Variants in GRTP1 observed in about 807,000 individuals in gnomAD.
GRTP1 encodes growth hormone-regulated TBC protein 1.
In GRTP1, 56 loss-of-function variants were observed where a neutral mutation model predicts 38.1. The ratio of observed to expected loss-of-function variants is 1.47; its 90% confidence interval spans 1.19 to 1.84. GRTP1 has a LOEUF of 1.84. GRTP1 is among the 40% of genes most tolerant of loss of function. The pLI is 0.00. For synonymous variants in GRTP1, 217 were observed against 189.5 expected, an observed-to-expected ratio of 1.14 and a Z score of -1.19; for missense variants, 506 against 453.9, an observed-to-expected ratio of 1.11 and a Z score of -1.04.
chr13:113,352,503 A>G (rs2139508462), intron 3 of GRTP1, among the ~76,000 whole-genome samples: 1 of 151,014 alleles, frequency 6.6e-6, no homozygotes, highest in East Asian at 1.9e-4. Flanking sequence ...CTTCCTGAGT[A>G]GCTGAGACTA....
At chr13:113,360,660 G>A (rs991295286) in intron 2 of GRTP1, among the ~76,000 whole-genome samples, 6 of 152,164 alleles carry the variant, frequency 3.9e-5, no homozygotes, top group South Asian at 2.1e-4. Context: ...GCCTCCCACC[G>A]GAGTCACCAG....
chr13:113,354,531 A>AT lies in GRTP1; in HGVS notation c.340+791dup, dbSNP rs554052131. On this transcript the variant is annotated intron_variant, in intron 3 of 7. Transcript: ENST00000375431. ...ATCTATTCAATTTAGGTTAACCAAT[A>AT]TTTTTTTTTTTTTTGAGATGGAGTT... Among the ~76,000 whole-genome samples the AT allele has an allele frequency of 3.3e-3, 490 of 150,020 alleles. 3 individuals carry two copies. The highest frequency in any genetic ancestry group is 0.011 in the African/African-American group (463 of 41,078).
chr13:113,351,140 G>T, intron 3 of GRTP1, 167 bp from the exon 4 acceptor site: 1 of 326,066 alleles, frequency 3.1e-6, no homozygotes. Context: ...GGCTCACTGG[G>T]CCAGGAAGGA....
In GRTP1 at chr13:113,350,879, C is replaced by A. The variant is rs774412765; in HGVS notation, c.435G>T (p.Gly145=). ...RTLYNVLLAY[G]HHNQGVGYCQ... is the part of the protein sequence containing the mutation. ...AGTAGCCCACTCCCTGGTTATGGTG[C>A]CCATATGCCAGCAGCACATTGTACA... is the stretch of plus-strand genomic sequence containing the variant. The change falls in exon 4 of 8, where the codon GGG becomes GGT. Residue 145 remains glycine, a synonymous_variant. Transcript: ENST00000375431. 6.3e-7 allele frequency: 1 copy of A among 1,589,740 alleles called. No individual in the cohort carries two copies.
Position 113,351,005 on chromosome 13 carries a change from G to T in GRTP1, c.341-32C>A, listed in dbSNP as rs1230196544. On this transcript the variant is annotated intron_variant, in intron 3 of 7. Transcript: ENST00000375431. ...GAAATTCAGAAGGAATCACCCACGGGTTTCTGTTCCACAAGCCTCCCACCC... is the reference window on the plus strand; with the variant it reads ...GAAATTCAGAAGGAATCACCCACGGTTTTCTGTTCCACAAGCCTCCCACCC... The T allele has an allele frequency of 2.5e-6, 4 of 1,611,474 alleles. No homozygotes were observed. In the East Asian group the frequency reaches 8.9e-5, roughly 36 times the overall value.
chr13:113,333,771 G>C (rs10467695), intron 5 of GRTP1, among the ~76,000 whole-genome samples: 3 of 151,838 alleles, frequency 2.0e-5, no homozygotes, highest in African/African-American at 7.3e-5. Context: ...GATTACAGGC[G>C]AGAGCCACCA....
At chr13:113,354,867 G>A (rs1015473610) in intron 3 of GRTP1, among the ~76,000 whole-genome samples, 2 of 152,208 alleles carry the variant, frequency 1.3e-5, no homozygotes, top group Non-Finnish European at 2.9e-5. Context: ...ACTTCTGAGA[G>A]CCAGGGACCC....
chr13:113,352,096 C>A (rs1379079355), intron 3 of GRTP1: 6 of 115,692 alleles, frequency 5.2e-5, no homozygotes, highest in Non-Finnish European at 1.1e-4. Flanking sequence ...TACAAAAGAG[C>A]CTTTTTTTTT....
intron 5 of GRTP1, among the ~76,000 whole-genome samples, chr13:113,335,310 C>T (rs994972235): frequency 2.0e-5 from 3 of 151,776 alleles, no homozygotes; most frequent in Non-Finnish European, 2.9e-5. Flanking sequence ...GTAATCCCAG[C>T]TACTTGGGAG....
rs2042727457 is a variant in GRTP1, at chr13:113,324,298, C to T, written c.*190G>A. The T allele has an allele frequency of 1.3e-6, 1 of 782,954 alleles. No individual in the cohort carries two copies. Among genetic ancestry groups the T allele is most frequent in the Non-Finnish European group, 1.8e-6 (1 of 553,304 alleles). The allele number at this position is 782,954 out of a possible 1,614,324, so 48.5% of individuals were successfully genotyped here. ...AAGTTTTCTTTAAAAAGTATGACTTCATAGCTAATCATCAAAAGCTGGTAG... is the reference window on the plus strand; with the variant it reads ...AAGTTTTCTTTAAAAAGTATGACTTTATAGCTAATCATCAAAAGCTGGTAG... On this transcript the variant is annotated 3_prime_UTR_variant, in exon 8 of 8. Transcript: ENST00000375431.
chr13:113,346,036 A>C (rs867737776), intron 4 of GRTP1, among the ~76,000 whole-genome samples: 338 of 30,292 alleles, frequency 0.011, 5 homozygotes, highest in African/African-American at 0.031. Flanking sequence ...CTGGGAAGAC[A>C]TCTGTGGCCG....
At chr13:113,339,763 C>T (rs2043001482) in intron 5 of GRTP1, 1 of 152,212 alleles carries the variant, frequency 6.6e-6, no homozygotes, top group Non-Finnish European at 1.5e-5. Flanking sequence ...TTCTTTCAAG[C>T]CTTCTTGGCT....
At chr13:113,337,954 AG>A (rs1233354368) in intron 5 of GRTP1, among the ~76,000 whole-genome samples, 6 of 152,238 alleles carry the variant, frequency 3.9e-5, no homozygotes, top group African/African-American at 1.4e-4. Flanking sequence ...GCCAGAGCTG[AG>A]GTATTTCTAT....
intron 2 of GRTP1, among the ~76,000 whole-genome samples, chr13:113,362,735 CAGGTGCAGGGCCCCTGGTTTCATCTCTG>C (rs1293552633): frequency 6.6e-6 from 1 of 152,176 alleles, no homozygotes; most frequent in African/African-American, 2.4e-5. Context: ...ACCCTCCGCC[CAGGTGCAGGGCCCCTGGTTTCATCTCTG>C]TCCTTCCCCA....
intron 5 of GRTP1, among the ~76,000 whole-genome samples, chr13:113,333,823 T>TTTA (rs1208439543): frequency 9.2e-6 from 1 of 108,884 alleles, no homozygotes; most frequent in African/African-American, 3.7e-5. Context: ...TATTTATTTA[T>TTTA]TTATTTATTT....
At chr13:113,352,513 A>G (rs561342562) in intron 3 of GRTP1, among the ~76,000 whole-genome samples, 1 of 151,174 alleles carries the variant, frequency 6.6e-6, no homozygotes, top group East Asian at 1.9e-4. Context: ...AGCTGAGACT[A>G]CAGGCACACA....
intron 5 of GRTP1, among the ~76,000 whole-genome samples, chr13:113,341,297 T>C (rs1365988460): frequency 6.6e-6 from 1 of 151,982 alleles, no homozygotes; most frequent in Non-Finnish European, 1.5e-5. Context: ...GACAGGGTCT[T>C]GTCCTGTTGC....
At chr13:113,340,035 G>C (rs1173727456) in intron 5 of GRTP1, 3 of 151,798 alleles carry the variant, frequency 2.0e-5, no homozygotes, top group Non-Finnish European at 2.9e-5. Context: ...TTTAGACAGG[G>C]TCTTGCTCTG....
chr13:113,362,320 ACT>A (rs2043513723), intron 2 of GRTP1, among the ~76,000 whole-genome samples: 1 of 152,058 alleles, frequency 6.6e-6, no homozygotes, highest in African/African-American at 2.4e-5. Context: ...ACAGAGTGAG[ACT>A]CTGTCTCAAA....
Sources: allele counts gnomAD v4.1 joint callset (sites outside exome capture counted in the v4.1 genomes callset), GRCh38; gene constraint gnomAD v4.1.1; transcripts MANE v1.5; gene names NCBI Gene and HGNC (gene_info 2026-07-23, HGNC 2026-07-21).